Variants in CALN1 observed in about 807,000 individuals in gnomAD.
The protein encoded by CALN1 is calneuron 1, also known as calcium-binding protein 8.
Under a neutral mutation model 30.6 loss-of-function variants are expected in CALN1, and 17 were observed. The ratio of observed to expected loss-of-function variants is 0.56; its 90% CI spans 0.38 to 0.83. The LOEUF (loss-of-function observed/expected upper bound fraction) is 0.83, where lower values mean the gene tolerates loss of function less well. Among genes scored for constraint, CALN1 ranks in the 40% least tolerant of loss-of-function variants. The pLI, the probability that CALN1 is intolerant of heterozygous loss-of-function variation, is 0.00. For missense variants in CALN1, 291 were observed against 354.9 expected, an observed-to-expected ratio of 0.82 and a Z score of 1.45; for synonymous variants, 156 against 131.4, an observed-to-expected ratio of 1.19 and a Z score of -1.28.
intron 2 of CALN1, among the ~76,000 whole-genome samples, chr7:72,335,380 C>T (rs1210080891): frequency 2.6e-5 from 4 of 152,190 alleles, no homozygotes; most frequent in Admixed American, 2.0e-4. Flanking sequence ...GCTAGGAGCT[C>T]ATGAGTTCTA....
At chr7:72,343,402 G>A (rs1191515418) in intron 2 of CALN1, among the ~76,000 whole-genome samples, 1 of 152,122 alleles carries the variant, frequency 6.6e-6, no homozygotes, top group African/African-American at 2.4e-5. Flanking sequence ...CAAAAAATTA[G>A]CCAGGCATGG....
intron 4 of CALN1, among the ~76,000 whole-genome samples, chr7:72,034,419 C>T (rs1801659472): frequency 6.7e-6 from 1 of 150,292 alleles, no homozygotes; most frequent in South Asian, 2.1e-4. Context: ...GGAGGACGTA[C>T]TGGGGAAATG....
chr7:71,986,705 C>G (rs1226508255), intron 5 of CALN1, among the ~76,000 whole-genome samples: 2 of 152,182 alleles, frequency 1.3e-5, no homozygotes, highest in East Asian at 3.8e-4. Context: ...AATATTTCAC[C>G]TCTTTAGAAA....
intron 2 of CALN1, among the ~76,000 whole-genome samples, chr7:72,316,163 G>GAAAA (rs58358512): frequency 1.3e-5 from 2 of 150,382 alleles, no homozygotes; most frequent in Non-Finnish European, 2.9e-5. Flanking sequence ...AAGAAAGAAA[G>GAAAA]AAAAAAAAGA....
the CALN1 span, among the ~76,000 whole-genome samples, chr7:72,460,992 C>T: frequency 6.6e-6 from 1 of 152,162 alleles, no homozygotes; most frequent in Non-Finnish European, 1.5e-5. Flanking sequence ...TTCCAACCAT[C>T]CCTGATTCAC....
chr7:72,336,142 G>A (rs965117232), intron 2 of CALN1, among the ~76,000 whole-genome samples: 4 of 152,206 alleles, frequency 2.6e-5, no homozygotes, highest in Admixed American at 2.6e-4. Flanking sequence ...GCGGCGAGGA[G>A]CGTGCGCCCA....
At chr7:72,153,703 A>C (rs900135237) in intron 3 of CALN1, among the ~76,000 whole-genome samples, 9 of 152,032 alleles carry the variant, frequency 5.9e-5, no homozygotes, top group African/African-American at 1.9e-4. Context: ...AAGAAAAAAG[A>C]AAAAGAAAGT....
intron 2 of CALN1, among the ~76,000 whole-genome samples, chr7:72,360,700 C>T (rs1021685345): frequency 3.4e-5 from 5 of 147,080 alleles, no homozygotes; most frequent in Non-Finnish European, 7.5e-5. Context: ...ATGTAACAAA[C>T]CTGCACGTTG....
intron 5 of CALN1, among the ~76,000 whole-genome samples, chr7:71,825,329 T>C (rs936251679): frequency 2.0e-5 from 3 of 152,196 alleles, no homozygotes; most frequent in Non-Finnish European, 2.9e-5. Context: ...GTTTCCCCCA[T>C]ACTGTTCTCG....
At chr7:72,180,303 T>G (rs1789673156) in intron 3 of CALN1, among the ~76,000 whole-genome samples, 1 of 152,182 alleles carries the variant, frequency 6.6e-6, no homozygotes, top group Admixed American at 6.5e-5. Flanking sequence ...CCACCCTACC[T>G]AGATATGCCA....
At chr7:72,205,573 T>TATACAC (rs1791804054) in intron 3 of CALN1, among the ~76,000 whole-genome samples, 3 of 120,730 alleles carry the variant, frequency 2.5e-5, no homozygotes, top group African/African-American at 1.2e-4. Context: ...TATATGTATA[T>TATACAC]ATATATATAT....
chr7:72,004,572 G>A (rs572377134), intron 5 of CALN1, among the ~76,000 whole-genome samples: 2 of 152,220 alleles, frequency 1.3e-5, no homozygotes, highest in African/African-American at 4.8e-5. Flanking sequence ...TTCTTCCAAA[G>A]GTTGTAAGAA....
chr7:72,241,845 T>C (rs1264232313), intron 3 of CALN1, among the ~76,000 whole-genome samples: 1 of 152,168 alleles, frequency 6.6e-6, no homozygotes, highest in Non-Finnish European at 1.5e-5. Flanking sequence ...TAAAGGCCAC[T>C]AGGATGAAAG....
intron 2 of CALN1, among the ~76,000 whole-genome samples, chr7:72,327,940 ACTT>A (rs1262110653): frequency 6.6e-6 from 1 of 152,182 alleles, no homozygotes; most frequent in Non-Finnish European, 1.5e-5. Flanking sequence ...AAGCAAAGTA[ACTT>A]CTTACAGCAA....
the CALN1 span, among the ~76,000 whole-genome samples, chr7:72,496,166 C>T: frequency 6.6e-6 from 1 of 152,196 alleles, no homozygotes; most frequent in African/African-American, 2.4e-5. Flanking sequence ...AGGTGATCCA[C>T]CTGCCTCGGC....
At chr7:71,990,990 C>T (rs1043411703) in intron 5 of CALN1, among the ~76,000 whole-genome samples, 8 of 149,738 alleles carry the variant, frequency 5.3e-5, no homozygotes, top group Admixed American at 6.7e-5. Flanking sequence ...GGAGTACTAA[C>T]GCAGAGGACC....
intron 5 of CALN1, among the ~76,000 whole-genome samples, chr7:71,851,353 T>TA (rs56093333): frequency 0.32 from 47,642 of 149,212 alleles, 7,936 homozygotes; most frequent in Middle Eastern, 0.49. Context: ...CCATCTCTAC[T>TA]AAAAAAAATA....
intron 3 of CALN1, among the ~76,000 whole-genome samples, chr7:72,202,907 T>A (rs149183691): frequency 4.9e-4 from 74 of 152,302 alleles, no homozygotes; most frequent in African/African-American, 1.8e-3. Context: ...TGCAGCACTA[T>A]TTACAATAGC....
intron 2 of CALN1, among the ~76,000 whole-genome samples, chr7:72,334,766 CAA>C (rs1396911482): frequency 1.3e-5 from 2 of 152,306 alleles, no homozygotes; most frequent in African/African-American, 4.8e-5. Flanking sequence ...ATTGGATTTC[CAA>C]AGAGTTTTGT....
Sources: gnomAD v4.1 joint callset for allele counts (sites outside exome capture counted in the v4.1 genomes callset) on GRCh38, gnomAD v4.1.1 for gene constraint, MANE v1.5 for transcripts, NCBI Gene and HGNC (gene_info 2026-07-23, HGNC 2026-07-21) for gene names.